ARK2C: variants seen among roughly 807,000 people sequenced by gnomAD.
ARK2C encodes the protein arkadia (RNF111) C-terminal like ring finger ubiquitin ligase 2C, also known as E3 ubiquitin-protein ligase ARK2C.
the ARK2C span, among the ~76,000 whole-genome samples, chr18:46,372,213 C>T: frequency 1.3e-5 from 2 of 152,156 alleles, no homozygotes; most frequent in Non-Finnish European, 1.5e-5. Flanking sequence ...TCCCTGGGGC[C>T]CTCCTGAGGA....
chr18:46,397,453 G>GGT, the ARK2C span, among the ~76,000 whole-genome samples: 618 of 118,922 alleles, frequency 5.2e-3, 6 homozygotes, highest in African/African-American at 0.014. Context: ...GGTGTGAGGG[G>GGT]GTGTGTGTGT....
At chr18:46,422,356 T>G in the ARK2C span, among the ~76,000 whole-genome samples, 1 of 152,144 alleles carries the variant, frequency 6.6e-6, no homozygotes, top group African/African-American at 2.4e-5. Context: ...AATCCGAATT[T>G]CTCCCAGGCT....
the ARK2C span, among the ~76,000 whole-genome samples, chr18:46,408,573 A>G: frequency 6.6e-6 from 1 of 152,200 alleles, no homozygotes; most frequent in African/African-American, 2.4e-5. Flanking sequence ...TGCGGGGAGG[A>G]AGAGAGCACA....
chr18:46,341,488 G>T, the ARK2C span, among the ~76,000 whole-genome samples: 1 of 152,152 alleles, frequency 6.6e-6, no homozygotes, highest in Admixed American at 6.5e-5. Flanking sequence ...GGGGAACATG[G>T]GAGGAACAGT....
At chr18:46,439,252 A>G in the ARK2C span, among the ~76,000 whole-genome samples, 1 of 152,228 alleles carries the variant, frequency 6.6e-6, no homozygotes, top group African/African-American at 2.4e-5. Context: ...TTTCCCTCAG[A>G]AAGATCTCAG....
the ARK2C span, among the ~76,000 whole-genome samples, chr18:46,350,280 C>T: frequency 0.049 from 7,488 of 152,314 alleles, 267 homozygotes; most frequent in Middle Eastern, 0.075. Flanking sequence ...TCCACATCTG[C>T]AGGCCAGCCG....
chr18:46,432,733 G>A, the ARK2C span, among the ~76,000 whole-genome samples: 1 of 151,914 alleles, frequency 6.6e-6, no homozygotes, highest in African/African-American at 2.4e-5. Context: ...CGAGGCGGGT[G>A]GATCACGAGG....
chr18:46,423,756 T>C, the ARK2C span, among the ~76,000 whole-genome samples: 1 of 152,254 alleles, frequency 6.6e-6, no homozygotes, highest in Non-Finnish European at 1.5e-5. Context: ...TCTTCATCTG[T>C]AGAATGAAGG....
chr18:46,353,387 G>A, the ARK2C span, among the ~76,000 whole-genome samples: 4 of 152,210 alleles, frequency 2.6e-5, no homozygotes, highest in Admixed American at 1.3e-4. Flanking sequence ...CAGGTGCAAT[G>A]TCTGGGCCGT....
At chr18:46,345,273 C>T in the ARK2C span, among the ~76,000 whole-genome samples, 1 of 152,186 alleles carries the variant, frequency 6.6e-6, no homozygotes, top group African/African-American at 2.4e-5. Flanking sequence ...GAAGAGAGGT[C>T]ATCTGGGGTG....
chr18:46,390,752 T>C, the ARK2C span, among the ~76,000 whole-genome samples: 1 of 152,192 alleles, frequency 6.6e-6, no homozygotes, highest in African/African-American at 2.4e-5. Flanking sequence ...TATACTGGGC[T>C]GGGCTCAGGT....
the ARK2C span, among the ~76,000 whole-genome samples, chr18:46,400,572 A>C: frequency 6.6e-6 from 1 of 152,086 alleles, no homozygotes; most frequent in Admixed American, 6.5e-5. Context: ...AGAAACAGGG[A>C]ACACCCGCAC....
At chr18:46,367,095 G>A in the ARK2C span, among the ~76,000 whole-genome samples, 2 of 152,202 alleles carry the variant, frequency 1.3e-5, no homozygotes, top group Non-Finnish European at 2.9e-5. Context: ...CTGGAGTTGG[G>A]TGGATGAAAG....
the ARK2C span, among the ~76,000 whole-genome samples, chr18:46,402,509 A>G: frequency 0.24 from 36,774 of 152,042 alleles, 5,175 homozygotes; most frequent in East Asian, 0.39. Context: ...GGCTTTCTAC[A>G]TGTGTGTGTT....
chr18:46,368,287 C>A, the ARK2C span, among the ~76,000 whole-genome samples: 357 of 152,244 alleles, frequency 2.3e-3, 3 homozygotes, highest in Middle Eastern at 6.8e-3. Flanking sequence ...ACGTGGAGGC[C>A]TAAATAAAGA....
the ARK2C span, chr18:46,337,200 G>A: frequency 1.0e-6 from 1 of 985,150 alleles, no homozygotes; most frequent in Non-Finnish European, 1.2e-6. Flanking sequence ...ACTGCCATTT[G>A]GCAATCTGAA....
At chr18:46,395,812 C>T in the ARK2C span, among the ~76,000 whole-genome samples, 1 of 152,224 alleles carries the variant, frequency 6.6e-6, no homozygotes, top group Non-Finnish European at 1.5e-5. Context: ...CCAGAGCTTT[C>T]TGGGGCCAGG....
chr18:46,355,590 C>T, the ARK2C span, among the ~76,000 whole-genome samples: 1 of 152,214 alleles, frequency 6.6e-6, no homozygotes, highest in Admixed American at 6.5e-5. Flanking sequence ...CTGAGGACCG[C>T]CTATTTTTCC....
chr18:46,355,978 G>T, the ARK2C span, among the ~76,000 whole-genome samples: 12 of 152,184 alleles, frequency 7.9e-5, no homozygotes, highest in African/African-American at 2.9e-4. Flanking sequence ...GGATGGGGCT[G>T]CTGGGCCAAG....
Sources: gnomAD v4.1 joint callset for allele counts (sites outside exome capture counted in the v4.1 genomes callset) on GRCh38, gnomAD v4.1.1 for gene constraint, MANE v1.5 for transcripts, NCBI Gene and HGNC (gene_info 2026-07-23, HGNC 2026-07-21) for gene names.